SEPTIN5: variants seen among roughly 807,000 people sequenced by gnomAD.
SEPTIN5 encodes septin-5.
A neutral mutation model predicts 51.2 loss-of-function variants in SEPTIN5; 16 were observed. The observed-to-expected ratio is 0.31, with a 90% CI of 0.21 to 0.47. SEPTIN5 has a LOEUF of 0.47. Ranked by LOEUF, SEPTIN5 falls within the 20% of genes least tolerant of loss-of-function variation. SEPTIN5 has a pLI of 0.99. For synonymous variants in SEPTIN5, 208 were observed against 191.2 expected (o/e 1.09, Z -0.72); for missense variants, 376 against 500.3 (o/e 0.75, Z 2.37).
chr22:19,719,188 C>T lies in SEPTIN5; in HGVS notation c.55-414C>T, dbSNP rs1191522504. 6 of 223,298 alleles carry T rather than the reference C, an allele frequency of 2.7e-5. No individual in the cohort carries two copies. The East Asian group carries it at 5.3e-4, about 20-fold the overall frequency. 13.8% of individuals were successfully genotyped at this position (223,298 alleles called of 1,614,324 possible). A position where few individuals can be genotyped will look rare whatever the true frequency, so the allele number is the denominator to read the frequency against. ...CTGGATCCGGGCCAGGTGGGGCCTCCCGCCCCCTGGCACTCTCCGGAGGGG... is the reference window on the plus strand; with the variant it reads ...CTGGATCCGGGCCAGGTGGGGCCTCTCGCCCCCTGGCACTCTCCGGAGGGG... On this transcript the variant is annotated intron_variant, in intron 2 of 11. Coordinates refer to ENST00000455784, the MANE Select transcript of SEPTIN5 (RefSeq NM_002688.6).
chr22:19,721,974 C>G lies in SEPTIN5; in HGVS notation c.950+17C>G. On this transcript the variant is annotated intron_variant, in intron 10 of 11. Coordinates refer to ENST00000455784, the MANE Select transcript of SEPTIN5 (RefSeq NM_002688.6). The stretch of plus-strand genomic sequence containing the variant: ...GATGACCAGGTGCGCGCCCCAGCCG[C>G]GAGCCAGACCTCGCCCCTCTGGCCC... The G allele has an allele frequency of 6.3e-7, 1 of 1,595,732 alleles. No homozygotes were observed. Among genetic ancestry groups the G allele is most frequent in the South Asian group, 1.1e-5 (1 of 90,342 alleles).
At chr22:19,719,051 G>GCCCC (rs1935967958) in intron 2 of SEPTIN5, 1 of 410,636 alleles carries the variant, frequency 2.4e-6, no homozygotes, top group Admixed American at 4.7e-5. Context: ...CCCTCCAGGG[G>GCCCC]CCCCAAGGGT....
In SEPTIN5 at chr22:19,722,319, A is replaced by G. The variant is rs1440962325; in HGVS notation, c.1033A>G (p.Ile345Val). 1 of 1,610,972 alleles carries G rather than the reference A, an allele frequency of 6.2e-7. No individual in the cohort carries two copies. The highest frequency in any genetic ancestry group is 8.5e-7 in the Non-Finnish European group (1 of 1,179,170). Residue 345 changes from isoleucine (I) to valine (V), a missense_variant, in exon 11 of 12, where the codon ATC (isoleucine) becomes GTC (valine). Ile to Val is a conservative substitution (Grantham distance 29, BLOSUM62 3). This residue lies in a region of SEPTIN5 where 89 missense variants were observed against 83.3 expected (regional missense o/e 1.07). Coordinates refer to ENST00000455784, the MANE Select transcript of SEPTIN5 (RefSeq NM_002688.6). ...CCCGGACGCCGAGACTGAGAAGCTT[A>G]TCAGGATGAAGGATGAGGAAGTATG... ...PTPDAETEKLIRMKDEELRRM... is the reference protein window; with the variant it reads ...PTPDAETEKLVRMKDEELRRM...
In SEPTIN5 at chr22:19,722,502, C is replaced by T. The variant is rs1936067429; in HGVS notation, c.*18C>T. On this transcript the variant is annotated 3_prime_UTR_variant, in exon 12 of 12. Transcript: ENST00000455784. ...ACCAGTGACGCTCGCCGCGGACACA[C>T]CGTCCGTCTCCGGGACGCCCTCGCA... The T allele has an allele frequency of 6.3e-7, 1 of 1,578,374 alleles. No homozygotes were observed. Among genetic ancestry groups the T allele is most frequent in the Non-Finnish European group, 8.6e-7 (1 of 1,162,322 alleles).
chr22:19,719,808 GAGTCAGGCCTGGGGA>G lies in SEPTIN5; in HGVS notation c.159_173del (p.Gly54_Ser58del). 6.2e-7 allele frequency: 1 copy of G among 1,613,018 alleles called. No individual in the cohort carries two copies. The highest frequency in any genetic ancestry group is 8.5e-7 in the Non-Finnish European group (1 of 1,179,964). On this transcript the variant is annotated inframe_deletion, in exon 4 of 12. Coordinates refer to ENST00000455784, the MANE Select transcript of SEPTIN5 (RefSeq NM_002688.6). ...TCCTTCTCTGTACCTGTGTGCAGGT[GAGTCAGGCCTGGGGA>G]AGTCCACACTGGTCCACAGCCTCTT...
intron 2 of SEPTIN5, 163 bp from the exon 3 acceptor site, chr22:19,719,439 C>G: frequency 1.6e-6 from 1 of 607,660 alleles, no homozygotes; most frequent in Non-Finnish European, 2.9e-6. Flanking sequence ...CTTCTTATCT[C>G]CAGGCTTTTG....
chr22:19,720,344 G>A lies in SEPTIN5; in HGVS notation c.387G>A (p.Val129=). ...GCTGGAAGCCCATCACCGACTATGT[G>A]GACCAGCAGTTTGAGCAGTACTTCC... ...TECWKPITDY[V]DQQFEQYFRD... The change falls in exon 6 of 12, where the codon GTG becomes GTA. Residue 129 remains valine, a synonymous_variant. Transcript: ENST00000455784. 1 of 1,613,906 alleles carries A rather than the reference G, an allele frequency of 6.2e-7. No individual in the cohort carries two copies. The highest frequency in any genetic ancestry group is 8.5e-7 in the Non-Finnish European group (1 of 1,180,000).
In SEPTIN5 at chr22:19,722,616, C is replaced by T. The variant is rs950272075; in HGVS notation, c.*132C>T. The stretch of plus-strand genomic sequence containing the variant: ...CCTAATTTATTCTCAGCACCACCCC[C>T]TCCCAGGTCATTGTGTCTGTTTCCG... On this transcript the variant is annotated 3_prime_UTR_variant, in exon 12 of 12. Coordinates refer to ENST00000455784, the MANE Select transcript of SEPTIN5 (RefSeq NM_002688.6). 2 of 940,374 alleles carry T rather than the reference C, an allele frequency of 2.1e-6. No homozygotes were observed. The highest frequency in any genetic ancestry group is 3.2e-6 in the Non-Finnish European group (2 of 619,868). The allele number at this position is 940,374 out of a possible 1,614,324, so 58.3% of individuals were successfully genotyped here.
At position 19,720,313 on chromosome 22, in the gene SEPTIN5, C is replaced by A. The variant is rs973066099; in HGVS notation, c.363-7C>A. ...GAGGCCTGGCCTCACCTCCCTCCTG[C>A]CCACAGCTGGAAGCCCATCACCGAC... On this transcript the variant is annotated splice_polypyrimidine_tract_variant and splice_region_variant and intron_variant, in intron 5 of 11. Coordinates refer to ENST00000455784, the MANE Select transcript of SEPTIN5 (RefSeq NM_002688.6). 1 of 1,613,460 alleles carries A rather than the reference C, an allele frequency of 6.2e-7. No individual in the cohort carries two copies. The highest frequency in any genetic ancestry group is 8.5e-7 in the Non-Finnish European group (1 of 1,179,856).
chr22:19,722,213 CA>C, intron 10 of SEPTIN5, 23 bp from the exon 11 acceptor site: 3 of 1,469,060 alleles, frequency 2.0e-6, no homozygotes, highest in African/African-American at 1.4e-5. Context: ...CCGCCCCGCC[CA>C]TCCTCCCCCC....
At position 19,714,614 on chromosome 22, in the gene SEPTIN5, G is replaced by A. The variant is rs1469827714; in HGVS notation, c.26G>A (p.Ser9Asn). 4 of 1,503,914 alleles carry A rather than the reference G, an allele frequency of 2.7e-6. No homozygotes were observed. The East Asian group carries it at 8.0e-5, about 30-fold the overall frequency. The allele number at this position is 1,503,914 out of a possible 1,614,324, so 93.2% of individuals were successfully genotyped here. ...ATGAGCACAGGCCTGCGGTACAAGAGCAAGCTGGCGACCCCAGGTGAGCCC... is the reference window on the plus strand; with the variant it reads ...ATGAGCACAGGCCTGCGGTACAAGAACAAGCTGGCGACCCCAGGTGAGCCC... MSTGLRYK[S>N]KLATPEDKQD... Residue 9 changes from serine to asparagine, a missense_variant, in exon 1 of 12, where the codon AGC becomes AAC. Ser to Asn is a conservative substitution (Grantham distance 46). Transcript: ENST00000455784. This position sits in a 1 kb window ranked among gnomAD's most constrained non-coding sequence, Gnocchi z 5.2.
In SEPTIN5 at chr22:19,720,338, C is replaced by T; in HGVS notation, c.381C>T (p.Asp127=). 6.2e-7 allele frequency: 1 copy of T among 1,613,876 alleles called. No individual in the cohort carries two copies. Among genetic ancestry groups the T allele is most frequent in the Non-Finnish European group, 8.5e-7 (1 of 1,179,988 alleles). ...NNTECWKPIT[D]YVDQQFEQYF... ...CCCACAGCTGGAAGCCCATCACCGA[C>T]TATGTGGACCAGCAGTTTGAGCAGT... Residue 127 remains aspartate, a synonymous_variant, in exon 6 of 12, where the codon GAC becomes GAT. Coordinates refer to ENST00000455784, the MANE Select transcript of SEPTIN5 (RefSeq NM_002688.6).
chr22:19,719,390 G>A, intron 2 of SEPTIN5: 1 of 558,684 alleles, frequency 1.8e-6, no homozygotes, highest in Non-Finnish European at 3.2e-6. Context: ...CCCTGGGATT[G>A]GGGCCAGGGG....
intron 2 of SEPTIN5, among the ~76,000 whole-genome samples, chr22:19,716,097 C>A (rs1034822607): frequency 1.2e-4 from 18 of 152,212 alleles, no homozygotes; most frequent in African/African-American, 3.9e-4. Context: ...AGGGTGGGGA[C>A]CCCCTCCTGC....
chr22:19,722,139 A>G, intron 10 of SEPTIN5, 98 bp from the exon 11 acceptor site: 2 of 1,204,550 alleles, frequency 1.7e-6, no homozygotes, highest in Non-Finnish European at 1.2e-6. Flanking sequence ...TCCGGAGGGC[A>G]GGGCCTCAGC....
In SEPTIN5 at chr22:19,723,147, C is replaced by T; in HGVS notation, c.*663C>T. 1 of 559,688 alleles carries T rather than the reference C, an allele frequency of 1.8e-6. No individual in the cohort carries two copies. Among genetic ancestry groups the T allele is most frequent in the South Asian group, 1.5e-5 (1 of 65,422 alleles). 34.7% of individuals were successfully genotyped at this position (559,688 alleles called of 1,614,324 possible). The stretch of plus-strand genomic sequence containing the variant: ...GGCAACTCTCGGTGCCGTCCCCTGC[C>T]CTCGCTCGAGGCCTCTTCTCCCCAG... On this transcript the variant is annotated 3_prime_UTR_variant, in exon 12 of 12. Coordinates refer to ENST00000455784, the MANE Select transcript of SEPTIN5 (RefSeq NM_002688.6).
In SEPTIN5 at chr22:19,720,665, G is replaced by T; in HGVS notation, c.614G>T (p.Arg205Leu). ...AGTGAGATCCGGAAGCTGAAGGAGC[G>T]GGTGAGCCTGCCGTCGCACAGGGGC... ...VPSEIRKLKE[R>L]IREEIDKFGI... is the part of the protein sequence containing the mutation. Residue 205 changes from arginine (R) to leucine (L), a missense_variant and splice_region_variant, in exon 7 of 12, where the codon CGG becomes CTG. By Grantham distance (102) the Arg-to-Leu change is moderately radical. This residue lies in a region of SEPTIN5 where 287 missense variants were observed against 417.1 expected (regional missense o/e 0.69). Transcript: ENST00000455784. The T allele has an allele frequency of 6.2e-7, 1 of 1,612,918 alleles. No homozygotes were observed. Among genetic ancestry groups the T allele is most frequent in the Non-Finnish European group, 8.5e-7 (1 of 1,180,018 alleles).
chr22:19,721,859 C>A lies in SEPTIN5; in HGVS notation c.852C>A (p.Arg284=), dbSNP rs1267385884. The A allele has an allele frequency of 6.2e-7, 1 of 1,611,854 alleles. No individual in the cohort carries two copies. Among genetic ancestry groups the A allele is most frequent in the East Asian group, 2.2e-5 (1 of 44,800 alleles). ...CGCATTGCGACTTCGTGAAGCTGCGCAACATGCTCATCCGCACGCATATGC... is the reference window on the plus strand; with the variant it reads ...CGCATTGCGACTTCGTGAAGCTGCGAAACATGCTCATCCGCACGCATATGC... ...NQAHCDFVKL[R]NMLIRTHMHD... Residue 284 remains arginine (R), a synonymous_variant, in exon 10 of 12, where the codon CGC becomes CGA. Coordinates refer to ENST00000455784, the MANE Select transcript of SEPTIN5 (RefSeq NM_002688.6).
At chr22:19,722,387 T>C (rs776620669) in intron 11 of SEPTIN5, 41 bp from the exon 12 acceptor site, 6 of 1,591,924 alleles carry the variant, frequency 3.8e-6, no homozygotes, top group South Asian at 3.4e-5. Flanking sequence ...GGGATGCTCC[T>C]CCGCGGTGCT....
Sources: allele counts gnomAD v4.1 joint callset (sites outside exome capture counted in the v4.1 genomes callset), GRCh38; gene constraint gnomAD v4.1.1; regional missense constraint gnomAD v4.1.1; non-coding constraint Gnocchi (gnomAD v3.1); transcripts MANE v1.5; gene names NCBI Gene and HGNC (gene_info 2026-07-23, HGNC 2026-07-21).